The following AUTS2 variants were observed in gnomAD, a reference collection of about 807,000 sequenced individuals.
AUTS2 encodes the protein activator of transcription and developmental regulator AUTS2.
In AUTS2, 17 loss-of-function variants were observed where a neutral mutation model predicts 112.4. That is an observed-to-expected ratio of 0.15 (90% CI 0.10 to 0.23). The LOEUF (loss-of-function observed/expected upper bound fraction) is 0.23. Ranked by LOEUF, AUTS2 falls within the 10% of genes least tolerant of loss-of-function variation. The pLI is 1.00. For missense variants in AUTS2, 1,510 were observed against 1,701.6 expected (o/e 0.89, Z 1.98); for synonymous variants, 751 against 702.7 (o/e 1.07, Z -1.09).
chr7:69,982,396 A>C (rs556285460), intron 2 of AUTS2, among the ~76,000 whole-genome samples: 1 of 152,322 alleles, frequency 6.6e-6, no homozygotes, highest in African/African-American at 2.4e-5. Flanking sequence ...AAAGATTAAA[A>C]GAACAAGGAA....
chr7:70,010,098 A>T (rs1799726390), intron 2 of AUTS2, among the ~76,000 whole-genome samples: 1 of 152,102 alleles, frequency 6.6e-6, no homozygotes, highest in Non-Finnish European at 1.5e-5. Context: ...GTTACCTGTG[A>T]GCCTTGCTTA....
intron 3 of AUTS2, among the ~76,000 whole-genome samples, chr7:70,131,881 G>A (rs758711046): frequency 9.2e-5 from 14 of 151,840 alleles, no homozygotes; most frequent in East Asian, 1.9e-4. Context: ...GTGACCAGGC[G>A]TAATATCTCA....
intron 1 of AUTS2, among the ~76,000 whole-genome samples, chr7:69,730,249 C>T (rs894794597): frequency 2.0e-5 from 3 of 151,562 alleles, no homozygotes; most frequent in East Asian, 1.9e-4. Context: ...TAATATTTGT[C>T]GTACCTTTTC....
chr7:70,710,962 T>G (rs1810015568), intron 6 of AUTS2, among the ~76,000 whole-genome samples: 1 of 152,242 alleles, frequency 6.6e-6, no homozygotes, highest in South Asian at 2.1e-4. Flanking sequence ...TCAGTTTGAT[T>G]TCTACCCCCA....
intron 2 of AUTS2, among the ~76,000 whole-genome samples, chr7:69,907,330 A>G (rs939642008): frequency 1.3e-5 from 2 of 152,202 alleles, no homozygotes; most frequent in African/African-American, 4.8e-5. Flanking sequence ...TCATAAAGTT[A>G]CTATGCAGGA....
At chr7:70,511,062 T>C (rs924282519) in intron 5 of AUTS2, among the ~76,000 whole-genome samples, 3 of 152,138 alleles carry the variant, frequency 2.0e-5, no homozygotes, top group Non-Finnish European at 4.4e-5. Flanking sequence ...TTGGTCAGGC[T>C]AGTCTGGAAC....
chr7:70,753,792 T>C (rs1789010540), intron 6 of AUTS2, among the ~76,000 whole-genome samples: 2 of 152,200 alleles, frequency 1.3e-5, no homozygotes, highest in Admixed American at 1.3e-4. Flanking sequence ...AATACGTATA[T>C]ACAATGTGCA....
At chr7:70,454,141 A>C (rs1239356348) in intron 5 of AUTS2, among the ~76,000 whole-genome samples, 1 of 152,182 alleles carries the variant, frequency 6.6e-6, no homozygotes, top group Non-Finnish European at 1.5e-5. Context: ...GCCACCAAGG[A>C]TGCGGGCTTC....
At chr7:70,061,657 C>CAT (rs1398829628) in intron 2 of AUTS2, among the ~76,000 whole-genome samples, 2 of 152,028 alleles carry the variant, frequency 1.3e-5, no homozygotes, top group African/African-American at 2.4e-5. Flanking sequence ...ACTATATAGA[C>CAT]ATGAGATACT....
At chr7:70,149,427 C>T (rs568182714) in intron 4 of AUTS2, among the ~76,000 whole-genome samples, 5 of 152,160 alleles carry the variant, frequency 3.3e-5, no homozygotes, top group Middle Eastern at 3.4e-3. Context: ...ATGATGTCAA[C>T]TTCTTGCATT....
intron 4 of AUTS2, among the ~76,000 whole-genome samples, chr7:70,147,718 G>GT (rs1467084354): frequency 6.6e-6 from 1 of 152,070 alleles, no homozygotes; most frequent in East Asian, 1.9e-4. Context: ...TTTCTCTGAT[G>GT]TTTTTACAAA....
At chr7:69,923,312 T>C (rs976185309) in intron 2 of AUTS2, among the ~76,000 whole-genome samples, 4 of 152,360 alleles carry the variant, frequency 2.6e-5, no homozygotes, top group African/African-American at 7.2e-5. Context: ...AGTTTATTTC[T>C]ATACTCTCTA....
chr7:70,071,009 G>A (rs1229440452), intron 2 of AUTS2, among the ~76,000 whole-genome samples: 1 of 152,080 alleles, frequency 6.6e-6, no homozygotes, highest in Admixed American at 6.5e-5. Context: ...TTAATAGTTT[G>A]GGTTACTTAA....
chr7:70,277,966 G>GTATGTA, intron 4 of AUTS2, among the ~76,000 whole-genome samples: 1 of 147,176 alleles, frequency 6.8e-6, no homozygotes, highest in South Asian at 2.2e-4. Context: ...GTATGTGTGT[G>GTATGTA]TGTGTGTGTG....
In AUTS2 at chr7:70,211,307, C is replaced by G. The variant is rs191946769; in HGVS notation, c.660+76736C>G. On this transcript the variant is annotated intron_variant, in intron 4 of 18. Coordinates refer to ENST00000342771, the MANE Select transcript of AUTS2 (RefSeq NM_015570.4). Reference sequence around the variant, plus strand: ...TGTTCTTTCTGTCTTACTGTAACTCCTCCTCCCTCCCTGATTTAAAAGAAT... The same window carrying G: ...TGTTCTTTCTGTCTTACTGTAACTCGTCCTCCCTCCCTGATTTAAAAGAAT... Among the ~76,000 whole-genome samples the G allele has an allele frequency of 2.7e-4, 41 of 150,808 alleles. No individual in the cohort carries two copies. In the East Asian group the frequency reaches 7.9e-3, roughly 29 times the overall value.
At chr7:69,793,304 A>G (rs1466209842) in intron 1 of AUTS2, among the ~76,000 whole-genome samples, 2 of 152,250 alleles carry the variant, frequency 1.3e-5, no homozygotes, top group Non-Finnish European at 2.9e-5. Context: ...AGAGCAAAGT[A>G]TATAAAAGCA....
chr7:69,614,111 C>T (rs142575756), intron 1 of AUTS2, among the ~76,000 whole-genome samples: 1 of 152,148 alleles, frequency 6.6e-6, no homozygotes, highest in Non-Finnish European at 1.5e-5. Flanking sequence ...CATTTCCCCT[C>T]GGCTAAGATG....
At chr7:70,304,292 C>T (rs924495467) in intron 4 of AUTS2, among the ~76,000 whole-genome samples, 1 of 152,202 alleles carries the variant, frequency 6.6e-6, no homozygotes, top group Non-Finnish European at 1.5e-5. Flanking sequence ...GAAACTGAGG[C>T]CAGGAGAGCC....
At chr7:70,781,391 C>A (rs2129559900) in intron 14 of AUTS2, 5 of 376,782 alleles carry the variant, frequency 1.3e-5, no homozygotes, top group South Asian at 6.2e-5. Flanking sequence ...AAAACCAGAC[C>A]AAACACTAGT....
Sources: allele counts gnomAD v4.1 joint callset (sites outside exome capture counted in the v4.1 genomes callset), GRCh38; gene constraint gnomAD v4.1.1; transcripts MANE v1.5; gene names NCBI Gene and HGNC (gene_info 2026-07-23, HGNC 2026-07-21).